DERL1: variants seen among roughly 807,000 people sequenced by gnomAD.
DERL1 encodes derlin-1.
In DERL1, 24 loss-of-function variants were observed where a neutral mutation model predicts 41.6. That is an observed-to-expected ratio of 0.58 (90% CI 0.42 to 0.81). The LOEUF is 0.81. Among genes scored for constraint, DERL1 ranks in the 30% least tolerant of loss-of-function variants. The pLI is 0.00. For missense variants in DERL1, 260 were observed against 314.3 expected, an observed-to-expected ratio of 0.83 and a Z score of 1.31; for synonymous variants, 124 against 112.5, an observed-to-expected ratio of 1.10 and a Z score of -0.65.
chr8:123,023,096 T>C (rs567065327), intron 4 of DERL1, among the ~76,000 whole-genome samples: 10 of 152,012 alleles, frequency 6.6e-5, no homozygotes, highest in Non-Finnish European at 1.3e-4. Context: ...TATACATGCC[T>C]AGAAAATACT....
At chr8:123,032,283 C>T (rs1020214924) in intron 1 of DERL1, among the ~76,000 whole-genome samples, 6 of 151,854 alleles carry the variant, frequency 4.0e-5, no homozygotes, top group Admixed American at 3.9e-4. Context: ...TACCAGCATG[C>T]ACCACCACAC....
In DERL1 at chr8:123,013,786, T is replaced by C. The variant is rs977441778; in HGVS notation, c.*1661A>G. ...GTGCAACATAATTGGAGTAATGGCC[T>C]CTAAAATTTTACAAGTAAACTTTAT... On this transcript the variant is annotated 3_prime_UTR_variant, in exon 8 of 8. Coordinates refer to ENST00000259512, the MANE Select transcript of DERL1 (RefSeq NM_024295.6). 1 of 152,190 alleles carries C rather than the reference T, an allele frequency of 6.6e-6. No homozygotes were observed. The highest frequency in any genetic ancestry group is 2.4e-5 in the African/African-American group (1 of 41,428). 9.4% of individuals were successfully genotyped at this position (152,190 alleles called of 1,614,324 possible). A position where few individuals can be genotyped will look rare whatever the true frequency, so the allele number is the denominator to read the frequency against.
chr8:123,022,618 C>G, intron 5 of DERL1, 66 bp downstream of exon 5: 1 of 1,491,550 alleles, frequency 6.7e-7, no homozygotes, highest in Non-Finnish European at 9.4e-7. Context: ...GAAAGTACAT[C>G]TCTGGACTGA....
chr8:123,017,604 C>T (rs1814610763), intron 7 of DERL1: 1 of 152,132 alleles, frequency 6.6e-6, no homozygotes, highest in Non-Finnish European at 1.5e-5. Flanking sequence ...GATCTTTATG[C>T]AAAATTTAGC....
intron 1 of DERL1, among the ~76,000 whole-genome samples, chr8:123,039,809 T>G (rs1813004437): frequency 6.6e-6 from 1 of 152,234 alleles, no homozygotes; most frequent in Non-Finnish European, 1.5e-5. Flanking sequence ...AAGCACCTAC[T>G]ACGTCCCAGG....
intron 2 of DERL1, 117 bp from the exon 3 acceptor site, chr8:123,025,167 C>A: frequency 2.9e-6 from 3 of 1,031,990 alleles, no homozygotes; most frequent in Non-Finnish European, 4.2e-6. Flanking sequence ...ATTTTAAAAA[C>A]CACTCCTCTC....
chr8:123,029,954 G>C (rs1192642131), intron 2 of DERL1, among the ~76,000 whole-genome samples: 1 of 152,096 alleles, frequency 6.6e-6, no homozygotes, highest in Admixed American at 6.5e-5. Context: ...CAGCTACTCA[G>C]GAGGCTGAGG....
chr8:123,030,879 A>G lies in DERL1; in HGVS notation c.154-163T>C, dbSNP rs1250700686. 3 of 603,682 alleles carry G rather than the reference A, an allele frequency of 5.0e-6. No individual in the cohort carries two copies. The African/African-American group carries it at 5.7e-5, about 12-fold the overall frequency. 37.4% of individuals were successfully genotyped at this position (603,682 alleles called of 1,614,324 possible). On this transcript the variant is annotated intron_variant, in intron 1 of 7. Transcript: ENST00000259512. ...ACAACTGAAGAAAAGTGTTCACACCAAATACAATCACATCACTTTGCAAAT... is the reference window on the plus strand; with the variant it reads ...ACAACTGAAGAAAAGTGTTCACACCGAATACAATCACATCACTTTGCAAAT...
At position 123,030,617 on chromosome 8, in the gene DERL1, G is replaced by A. The variant is rs564730174; in HGVS notation, c.253C>T (p.Arg85Ter). The change falls in exon 2 of 8, where the codon CGA becomes TGA. Residue 85 changes from arginine to a stop codon, truncating the protein, a stop_gained. Transcript: ENST00000259512. LOFTEE classifies it high-confidence loss of function. ...NLYFLYQYST[R>*]LETGAFDGRP... Reference sequence around the variant, plus strand: ...ATGGGTAACATACCTGTTTCAAGTCGCGTAGAATACTGATATAAGAAATAT... The same window carrying A: ...ATGGGTAACATACCTGTTTCAAGTCACGTAGAATACTGATATAAGAAATAT... The A allele has an allele frequency of 1.1e-5, 18 of 1,595,354 alleles. No homozygotes were observed. The highest frequency in any genetic ancestry group is 6.9e-5 in the Admixed American group (4 of 57,806).
chr8:123,029,610 T>C (rs969252780), intron 2 of DERL1, among the ~76,000 whole-genome samples: 1 of 152,224 alleles, frequency 6.6e-6, no homozygotes, highest in Non-Finnish European at 1.5e-5. Flanking sequence ...CAAAGTCATT[T>C]AAATTTAACA....
At chr8:123,039,182 G>A (rs990848284) in intron 1 of DERL1, among the ~76,000 whole-genome samples, 7 of 151,954 alleles carry the variant, frequency 4.6e-5, no homozygotes, top group Non-Finnish European at 7.4e-5. Context: ...CCATCTCTCT[G>A]GCCTCCTAAC....
intron 2 of DERL1, among the ~76,000 whole-genome samples, chr8:123,029,970 G>A (rs1184075059): frequency 6.6e-6 from 1 of 152,102 alleles, no homozygotes; most frequent in East Asian, 1.9e-4. Context: ...TGAGGCATGA[G>A]AATTGCTTGA....
chr8:123,039,703 C>T (rs1458792587), intron 1 of DERL1, among the ~76,000 whole-genome samples: 3 of 152,126 alleles, frequency 2.0e-5, no homozygotes, highest in Admixed American at 1.3e-4. Context: ...TATGTCTTCA[C>T]AGGCTCTGAA....
At chr8:123,021,668 A>T (rs1812549657) in intron 5 of DERL1, among the ~76,000 whole-genome samples, 169 bp from the exon 6 acceptor site, 1 of 152,324 alleles carries the variant, frequency 6.6e-6, no homozygotes, top group Non-Finnish European at 1.5e-5. Flanking sequence ...CACTATACTT[A>T]AACCTTCCTA....
intron 1 of DERL1, among the ~76,000 whole-genome samples, chr8:123,037,908 G>A (rs2130496480): frequency 6.6e-6 from 1 of 152,218 alleles, no homozygotes; most frequent in Admixed American, 6.5e-5. Flanking sequence ...AAAACACAAA[G>A]GCAGCAGGAA....
rs1814507085 is a variant in DERL1, at chr8:123,014,671, T to A, written c.*776A>T. 1 of 152,260 alleles carries A rather than the reference T, an allele frequency of 6.6e-6. No individual in the cohort carries two copies. The highest frequency in any genetic ancestry group is 1.5e-5 in the Non-Finnish European group (1 of 68,050). 9.4% of individuals were successfully genotyped at this position (152,260 alleles called of 1,614,324 possible). A position where few individuals can be genotyped will look rare whatever the true frequency, so the allele number is the denominator to read the frequency against. ...GGTTGCATCCCCCATGGTTTAAACC[T>A]AACCCATGTTAGCTGCAACTCCACT... On this transcript the variant is annotated 3_prime_UTR_variant, in exon 8 of 8. Coordinates refer to ENST00000259512, the MANE Select transcript of DERL1 (RefSeq NM_024295.6).
At chr8:123,027,511 T>G (rs1812727442) in intron 2 of DERL1, among the ~76,000 whole-genome samples, 1 of 152,092 alleles carries the variant, frequency 6.6e-6, no homozygotes, top group South Asian at 2.1e-4. Flanking sequence ...GTACCGTACA[T>G]GAATTACATC....
chr8:123,019,332 A>C, intron 6 of DERL1, 27 bp from the exon 7 acceptor site: 1 of 1,517,808 alleles, frequency 6.6e-7, no homozygotes. Context: ...ATGAGTTTAA[A>C]GACATTCAAG....
chr8:123,023,380 C>A (rs377356851), intron 4 of DERL1, among the ~76,000 whole-genome samples: 1 of 152,042 alleles, frequency 6.6e-6, no homozygotes, highest in East Asian at 1.9e-4. Context: ...CATGGTGAAA[C>A]CCCATCTCTA....
Sources: gnomAD v4.1 joint callset for allele counts (sites outside exome capture counted in the v4.1 genomes callset) on GRCh38, gnomAD v4.1.1 for gene constraint, MANE v1.5 for transcripts, NCBI Gene and HGNC (gene_info 2026-07-23, HGNC 2026-07-21) for gene names.